The following TMEM63C variants were observed in gnomAD, a reference collection of about 807,000 sequenced individuals.
TMEM63C encodes the protein osmosensitive cation channel TMEM63C.
TMEM63C carries 32 observed loss-of-function variants against 99.2 expected under a neutral mutation model. The ratio of observed to expected loss-of-function variants is 0.32; its 90% CI spans 0.24 to 0.43. The LOEUF (loss-of-function observed/expected upper bound fraction) is 0.43. Among genes scored for constraint, TMEM63C ranks in the 20% least tolerant of loss-of-function variants. TMEM63C has a pLI of 1.00. For synonymous variants in TMEM63C, 376 were observed against 397.9 expected (o/e 0.94, Z 0.66); for missense variants, 826 against 1,053.0 (o/e 0.78, Z 2.98).
rs1888639207 is a variant in TMEM63C at position 77,218,848 on chromosome 14, G to A, written c.35G>A (p.Gly12Glu). 5 of 1,613,738 alleles carry A rather than the reference G, an allele frequency of 3.1e-6. No homozygotes were observed. Among genetic ancestry groups the A allele is most frequent in the South Asian group, 1.1e-5 (1 of 90,976 alleles). The change falls in exon 3 of 24, where the codon GGA (glycine) becomes GAA (glutamate). Residue 12 changes from glycine to glutamate, a missense_variant. Gly to Glu is a moderately conservative substitution (Grantham distance 98). Coordinates refer to ENST00000298351, the MANE Select transcript of TMEM63C (RefSeq NM_020431.4). ...TCACCAGACGACCTGAGTACAGGGG[G>A]AAGGTTACAGAACATGACAGTGGAT... ...SASPDDLSTG[G>E]RLQNMTVDEC...
At chr14:77,189,378 A>G (rs536748773) in intron 1 of TMEM63C, among the ~76,000 whole-genome samples, 2 of 152,228 alleles carry the variant, frequency 1.3e-5, no homozygotes, top group Non-Finnish European at 2.9e-5. Flanking sequence ...TGGGCCTCCA[A>G]ACGTGCTGGG....
At chr14:77,185,906 C>T (rs1887985734) in intron 1 of TMEM63C, among the ~76,000 whole-genome samples, 1 of 152,092 alleles carries the variant, frequency 6.6e-6, no homozygotes, top group African/African-American at 2.4e-5. Flanking sequence ...AGGTGCCCAG[C>T]TTGGGGCCTG....
At chr14:77,238,834 G>T in intron 10 of TMEM63C, 67 bp downstream of exon 10, 1 of 1,312,420 alleles carries the variant, frequency 7.6e-7, no homozygotes, top group Middle Eastern at 1.8e-4. Flanking sequence ...GGGTCCTCAA[G>T]TGGGTAGTGA....
chr14:77,226,140 G>C (rs894134406), intron 6 of TMEM63C, among the ~76,000 whole-genome samples: 4 of 152,244 alleles, frequency 2.6e-5, no homozygotes, highest in Non-Finnish European at 5.9e-5. Flanking sequence ...ACACGTACAC[G>C]TGTGCACACA....
chr14:77,219,923 C>T, intron 4 of TMEM63C, 83 bp from the exon 5 acceptor site: 4 of 1,344,922 alleles, frequency 3.0e-6, no homozygotes, highest in Non-Finnish European at 4.1e-6. Flanking sequence ...CAGCCCTCAG[C>T]CAGGGAGTGG....
At chr14:77,207,684 G>T (rs556253653) in intron 1 of TMEM63C, among the ~76,000 whole-genome samples, 2 of 152,290 alleles carry the variant, frequency 1.3e-5, no homozygotes, top group Admixed American at 6.5e-5. Context: ...TTACTTCTTA[G>T]GCTGCTACCT....
At chr14:77,238,606 G>T in intron 9 of TMEM63C, 88 bp from the exon 10 acceptor site, 2 of 1,050,252 alleles carry the variant, frequency 1.9e-6, no homozygotes, top group Non-Finnish European at 2.9e-6. Context: ...TGAGCAGAAG[G>T]CCTGCTCTGA....
rs1888661402 is a variant in TMEM63C, at chr14:77,220,001, G to A, written c.231-5G>A. 1.9e-6 allele frequency: 3 copies of A among 1,556,556 alleles called. No homozygotes were observed. The highest frequency in any genetic ancestry group is 2.6e-6 in the Non-Finnish European group (3 of 1,149,872). ...TTACCTCCCTGCCCCTTCCCTGGCTGGCAGCCTGACCTCGCTGATCTATGG... is the reference window on the plus strand; with the variant it reads ...TTACCTCCCTGCCCCTTCCCTGGCTAGCAGCCTGACCTCGCTGATCTATGG... On this transcript the variant is annotated splice_region_variant and splice_polypyrimidine_tract_variant and intron_variant, in intron 4 of 23. Coordinates refer to ENST00000298351, the MANE Select transcript of TMEM63C (RefSeq NM_020431.4).
intron 16 of TMEM63C, among the ~76,000 whole-genome samples, chr14:77,245,248 A>G (rs1369729918): frequency 6.6e-6 from 1 of 152,086 alleles, no homozygotes; most frequent in Non-Finnish European, 1.5e-5. Flanking sequence ...GTGCCTTCCC[A>G]TCCCTTCCCA....
chr14:77,211,276 A>T (rs1888492991), intron 1 of TMEM63C, among the ~76,000 whole-genome samples: 1 of 152,166 alleles, frequency 6.6e-6, no homozygotes, highest in Non-Finnish European at 1.5e-5. Context: ...TCTGCCATTC[A>T]CTAGCACCGT....
chr14:77,198,063 C>A (rs1393069866), intron 1 of TMEM63C, among the ~76,000 whole-genome samples: 2 of 152,268 alleles, frequency 1.3e-5, no homozygotes, highest in Non-Finnish European at 2.9e-5. Flanking sequence ...TGAGCTCCAG[C>A]CTTGGTCCAC....
rs1196562175 is a variant in TMEM63C at position 77,212,850 on chromosome 14, C to T, written c.-76-596C>T. ...GCTGGATGGAATTCCCCACCTCCTGCCCAACTCCAAGCTTAGTGGCTGGGG... is the reference window on the plus strand; with the variant it reads ...GCTGGATGGAATTCCCCACCTCCTGTCCAACTCCAAGCTTAGTGGCTGGGG... On this transcript the variant is annotated intron_variant, in intron 1 of 23. Coordinates refer to ENST00000298351, the MANE Select transcript of TMEM63C (RefSeq NM_020431.4). Among the ~76,000 whole-genome samples, 3 of 152,192 alleles carry T rather than the reference C, an allele frequency of 2.0e-5. No homozygotes were observed. The East Asian group carries it at 5.8e-4, about 29-fold the overall frequency.
chr14:77,186,475 G>A (rs1444197698), intron 1 of TMEM63C, among the ~76,000 whole-genome samples: 1 of 152,148 alleles, frequency 6.6e-6, no homozygotes, highest in Non-Finnish European at 1.5e-5. Context: ...GGGCCTAGGA[G>A]GGAGGATTGC....
At chr14:77,226,817 A>G (rs557313979) in intron 6 of TMEM63C, among the ~76,000 whole-genome samples, 26,368 of 145,926 alleles carry the variant, frequency 0.18, 2,569 homozygotes, top group Non-Finnish European at 0.22. Context: ...CACCAGGGTG[A>G]TGTGCAGTGG....
rs374236267 is a variant in TMEM63C, at chr14:77,231,619, G to A, written c.382G>A (p.Asp128Asn). The A allele has an allele frequency of 1.1e-5, 17 of 1,551,494 alleles. No homozygotes were observed. The highest frequency in any genetic ancestry group is 9.8e-5 in the Admixed American group (5 of 50,968). ...DEDLINKCGD[D>N]ARIYIVFQYH... ...GGATCTGATTAACAAGTGTGGGGAC[G>A]ACGCGCGCATCTACATCGTGTTCCA... The change falls in exon 7 of 24, where the codon GAC becomes AAC. Residue 128 changes from aspartate (D) to asparagine (N), a missense_variant. Transcript: ENST00000298351.
At chr14:77,248,054 C>G (rs552462251) in intron 18 of TMEM63C, among the ~76,000 whole-genome samples, 11 of 152,204 alleles carry the variant, frequency 7.2e-5, no homozygotes, top group African/African-American at 1.7e-4. Context: ...GCTCAGACAC[C>G]CTTGCTTTGG....
chr14:77,197,457 C>G (rs1888232068), intron 1 of TMEM63C, among the ~76,000 whole-genome samples: 1 of 152,218 alleles, frequency 6.6e-6, no homozygotes, highest in South Asian at 2.1e-4. Context: ...CACAACCCAG[C>G]TCAACCACCT....
At chr14:77,254,179 C>T (rs12590130) in intron 23 of TMEM63C, among the ~76,000 whole-genome samples, 31,985 of 152,046 alleles carry the variant, frequency 0.21, 4,123 homozygotes, top group East Asian at 0.6. Context: ...GCAGCCTGTG[C>T]GAAGGCCTGG....
At chr14:77,227,636 G>C (rs755554518) in intron 6 of TMEM63C, among the ~76,000 whole-genome samples, 1 of 152,232 alleles carries the variant, frequency 6.6e-6, no homozygotes, top group Non-Finnish European at 1.5e-5. Flanking sequence ...GTGCCTCATC[G>C]AGGCGGGAGG....
Sources: allele counts gnomAD v4.1 joint callset (sites outside exome capture counted in the v4.1 genomes callset), GRCh38; gene constraint gnomAD v4.1.1; transcripts MANE v1.5; gene names NCBI Gene and HGNC (gene_info 2026-07-23, HGNC 2026-07-21).